The following RUFY3 variants were observed in gnomAD, a reference collection of about 807,000 sequenced individuals.
RUFY3 encodes protein RUFY3.
RUFY3 carries 34 observed loss-of-function variants against 84.0 expected under a neutral mutation model. The observed-to-expected ratio is 0.40, with a 90% confidence interval of 0.31 to 0.54. The LOEUF (loss-of-function observed/expected upper bound fraction) is 0.54, where lower values mean the gene tolerates loss of function less well. RUFY3 is among the 20% of genes least tolerant of loss of function. The pLI is 0.39. For missense variants in RUFY3, 507 were observed against 736.8 expected (o/e 0.69, Z 3.61); for synonymous variants, 242 against 252.9 (o/e 0.96, Z 0.41).
chr4:70,753,830 GA>G (rs200530896), intron 1 of RUFY3, among the ~76,000 whole-genome samples: 2 of 152,054 alleles, frequency 1.3e-5, no homozygotes, highest in Non-Finnish European at 2.9e-5. Context: ...GTTTCCAAGG[GA>G]AAAAACTGAA....
At chr4:70,733,365 T>C (rs909793088) in intron 1 of RUFY3, among the ~76,000 whole-genome samples, 1 of 152,230 alleles carries the variant, frequency 6.6e-6, no homozygotes, top group Non-Finnish European at 1.5e-5. Context: ...GATAAAAATA[T>C]GGGACGACTT....
chr4:70,765,103 G>A (rs548314589), intron 4 of RUFY3, among the ~76,000 whole-genome samples: 17 of 150,438 alleles, frequency 1.1e-4, no homozygotes, highest in African/African-American at 2.9e-4. Flanking sequence ...CACGAGAATC[G>A]CTTGGACCTG....
chr4:70,755,285 G>A (rs543905485), intron 1 of RUFY3, among the ~76,000 whole-genome samples: 23 of 152,116 alleles, frequency 1.5e-4, no homozygotes, highest in Non-Finnish European at 2.8e-4. Flanking sequence ...TAGATAATAA[G>A]AAAATTCTGA....
chr4:70,799,949 A>G (rs928017734), intron 14 of RUFY3, 192 bp from the exon 15 acceptor site: 11 of 501,438 alleles, frequency 2.2e-5, no homozygotes, highest in Non-Finnish European at 7.0e-6. Flanking sequence ...ATTTGTCACA[A>G]ACTGTCAGAA....
intron 7 of RUFY3, among the ~76,000 whole-genome samples, chr4:70,775,946 A>AAAC (rs1553917242): frequency 1.4e-5 from 2 of 137,958 alleles, no homozygotes; most frequent in African/African-American, 5.9e-5. Flanking sequence ...GTCTTAAACA[A>AAAC]AAAAAAAAAA....
chr4:70,744,686 C>T (rs550117383), intron 1 of RUFY3, among the ~76,000 whole-genome samples: 2 of 137,542 alleles, frequency 1.5e-5, no homozygotes, highest in Admixed American at 1.5e-4. Flanking sequence ...TGGAGTTTCG[C>T]TCTTGTTGCC....
At chr4:70,737,757 A>G (rs76801372) in intron 1 of RUFY3, among the ~76,000 whole-genome samples, 7 of 149,474 alleles carry the variant, frequency 4.7e-5, no homozygotes, top group Admixed American at 2.0e-4. Context: ...GCTCACTGCA[A>G]TCTCCACCTG....
At chr4:70,785,399 A>G (rs1273809354) in intron 10 of RUFY3, among the ~76,000 whole-genome samples, 10 of 152,154 alleles carry the variant, frequency 6.6e-5, no homozygotes, top group Admixed American at 6.5e-4. Context: ...ATATCATCTC[A>G]CTCTAATCAG....
chr4:70,705,354 C>T, intron 1 of RUFY3: 1 of 1,201,066 alleles, frequency 8.3e-7, no homozygotes, highest in Non-Finnish European at 1.1e-6. Context: ...CTGGGGAGGG[C>T]CGGCCCGGCC....
At chr4:70,709,464 G>A (rs1740722727) in intron 1 of RUFY3, among the ~76,000 whole-genome samples, 1 of 152,122 alleles carries the variant, frequency 6.6e-6, no homozygotes. Context: ...TTTGAGTTTG[G>A]GGAGTTTTCA....
rs143385571 is a variant in RUFY3, at chr4:70,769,857, G to A, written c.696+1196G>A. The stretch of plus-strand genomic sequence containing the variant: ...TGTTTTTTAGAGACAGAGTCTTAAT[G>A]TGTCTCCCAGGCTGGAATGCAGTGG... On this transcript the variant is annotated intron_variant, in intron 5 of 17. Coordinates refer to ENST00000381006, the MANE Select transcript of RUFY3 (RefSeq NM_001037442.4). Among the ~76,000 whole-genome samples, 920 of 152,138 alleles carry A rather than the reference G, an allele frequency of 6.0e-3. 7 individuals carry two copies. Among genetic ancestry groups the A allele is most frequent in the African/African-American group, 0.021 (861 of 41,512 alleles).
At position 70,722,559 on chromosome 4, in the gene RUFY3, C is replaced by G. The variant is rs777088617; in HGVS notation, c.-15C>G. ...TGTGTGTCTGTGTGTGTGTTGTGGTCCCAGCTGAGTCATCATGTCTGCTCT... is the reference window on the plus strand; with the variant it reads ...TGTGTGTCTGTGTGTGTGTTGTGGTGCCAGCTGAGTCATCATGTCTGCTCT... On this transcript the variant is annotated 5_prime_UTR_variant, in exon 1 of 18. Transcript: ENST00000381006. 2 of 1,608,722 alleles carry G rather than the reference C, an allele frequency of 1.2e-6. No homozygotes were observed. Among genetic ancestry groups the G allele is most frequent in the East Asian group, 4.5e-5 (2 of 44,788 alleles).
intron 12 of RUFY3, 61 bp downstream of exon 12, chr4:70,789,653 G>A (rs1730494083): frequency 1.9e-6 from 3 of 1,559,296 alleles, no homozygotes; most frequent in African/African-American, 1.4e-5. Context: ...TGAAAAGAAT[G>A]TGCTGTACAT....
chr4:70,799,772 G>T (rs1731999685), intron 14 of RUFY3: 1 of 217,434 alleles, frequency 4.6e-6, no homozygotes, highest in Non-Finnish European at 8.8e-6. Context: ...GCTGTATATG[G>T]CCATCCTTGG....
intron 1 of RUFY3, among the ~76,000 whole-genome samples, chr4:70,759,035 C>CA (rs57448558): frequency 0.08 from 11,160 of 139,798 alleles, 637 homozygotes; most frequent in East Asian, 0.21. Flanking sequence ...GACTCTGTCT[C>CA]AAAAAAAAAA....
chr4:70,718,160 G>C (rs1741843409), upstream of RUFY3, among the ~76,000 whole-genome samples: 1 of 152,134 alleles, frequency 6.6e-6, no homozygotes, highest in South Asian at 2.1e-4. Context: ...TGGGATTACA[G>C]GCGTGAGCCA....
At chr4:70,773,417 G>T in intron 5 of RUFY3, 94 bp from the exon 6 acceptor site, 1 of 787,374 alleles carries the variant, frequency 1.3e-6, no homozygotes, top group Non-Finnish European at 2.2e-6. Context: ...TGTCATGACT[G>T]TATTACTGTT....
chr4:70,805,207 A>G (rs888087619), intron 17 of RUFY3, among the ~76,000 whole-genome samples: 2 of 152,250 alleles, frequency 1.3e-5, no homozygotes, highest in African/African-American at 4.8e-5. Context: ...CAAAGTCCAC[A>G]GTCCTTTCAG....
intron 1 of RUFY3, among the ~76,000 whole-genome samples, chr4:70,746,787 G>T (rs1446259317): frequency 2.6e-5 from 4 of 152,120 alleles, no homozygotes; most frequent in Non-Finnish European, 4.4e-5. Flanking sequence ...ATAACAAAAA[G>T]TCAATTTTAA....
Sources: gnomAD v4.1 joint callset for allele counts (sites outside exome capture counted in the v4.1 genomes callset) on GRCh38, gnomAD v4.1.1 for gene constraint, MANE v1.5 for transcripts, NCBI Gene and HGNC (gene_info 2026-07-23, HGNC 2026-07-21) for gene names.